The following C6orf118 variants were observed in gnomAD, a reference collection of about 807,000 sequenced individuals.
C6orf118 encodes uncharacterized protein C6orf118.
Under a neutral mutation model 50.2 loss-of-function variants are expected in C6orf118, and 50 were observed. That is an observed-to-expected ratio of 1.00 (90% CI 0.79 to 1.26). C6orf118 has a LOEUF of 1.26. Ranked by LOEUF, C6orf118 falls within the 50% of genes most tolerant of loss-of-function variation. The probability of loss-of-function intolerance (pLI) is 0.00; values close to 1 mark genes in which losing one functional copy is unlikely to be tolerated. For synonymous variants in C6orf118, 239 were observed against 230.9 expected, an observed-to-expected ratio of 1.03 and a Z score of -0.32; for missense variants, 641 against 578.7, an observed-to-expected ratio of 1.11 and a Z score of -1.10.
At chr6:165,299,304 A>G (rs1034070159) in intron 4 of C6orf118, 139 bp downstream of exon 4, 4 of 646,200 alleles carry the variant, frequency 6.2e-6, no homozygotes, top group Non-Finnish European at 1.1e-5. Context: ...AAACTCATCT[A>G]TAACAAAGAA....
intron 3 of C6orf118, 57 bp from the exon 4 acceptor site, chr6:165,299,559 T>C: frequency 7.8e-7 from 1 of 1,287,780 alleles, no homozygotes; most frequent in Non-Finnish European, 1.1e-6. Flanking sequence ...ACAGTGCAGG[T>C]GTTTCACGTG....
At chr6:165,292,984 T>G (rs1105228) in intron 6 of C6orf118, among the ~76,000 whole-genome samples, 2 of 151,978 alleles carry the variant, frequency 1.3e-5, no homozygotes, top group African/African-American at 2.4e-5. Flanking sequence ...TTAACAAACT[T>G]GGAGGGAAAA....
In C6orf118 at chr6:165,280,091, T is replaced by C; in HGVS notation, c.1376A>G (p.Gln459Arg). 1 of 1,608,764 alleles carries C rather than the reference T, an allele frequency of 6.2e-7. No homozygotes were observed. The highest frequency in any genetic ancestry group is 8.5e-7 in the Non-Finnish European group (1 of 1,178,554). ...KKIKGPLEIY[Q>R]GICKIRGNRR Reference sequence around the variant, plus strand: ...GTTTCCTCTGATTTTACAAATTCCTTGATAAATTTCCAAAGGCCCCTTAAA... The same window carrying C: ...GTTTCCTCTGATTTTACAAATTCCTCGATAAATTTCCAAAGGCCCCTTAAA... Residue 459 changes from glutamine (Q) to arginine (R), a missense_variant, in exon 9 of 9, where the codon CAA (glutamine) becomes CGA (arginine). Gln to Arg is a conservative substitution (Grantham distance 43). Coordinates refer to ENST00000230301, the MANE Select transcript of C6orf118 (RefSeq NM_144980.4).
At chr6:165,299,205 G>T (rs766968957) in intron 4 of C6orf118, among the ~76,000 whole-genome samples, 6 of 152,222 alleles carry the variant, frequency 3.9e-5, no homozygotes, top group Non-Finnish European at 5.9e-5. Flanking sequence ...TTTATACATA[G>T]ATAGTTATGT....
chr6:165,300,330 C>A, intron 3 of C6orf118, 34 bp downstream of exon 3: 1 of 1,612,130 alleles, frequency 6.2e-7, no homozygotes, highest in Non-Finnish European at 8.5e-7. Context: ...ATGCAAGCTT[C>A]TCAACTGTTA....
intron 7 of C6orf118, among the ~76,000 whole-genome samples, chr6:165,282,562 G>C (rs1267778832): frequency 1.3e-5 from 2 of 151,626 alleles, no homozygotes; most frequent in African/African-American, 2.4e-5. Context: ...CTACCTGTTA[G>C]GGTTGCTGCA....
chr6:165,281,465 T>C, intron 8 of C6orf118, 175 bp downstream of exon 8: 1 of 1,347,698 alleles, frequency 7.4e-7, no homozygotes, highest in Non-Finnish European at 9.6e-7. Flanking sequence ...TCTTTTATCA[T>C]GATGTCAATA....
At chr6:165,298,378 G>T (rs12055415) in intron 4 of C6orf118, among the ~76,000 whole-genome samples, 14,961 of 152,218 alleles carry the variant, frequency 0.098, 951 homozygotes, top group East Asian at 0.21. Context: ...TGGCCCGTGT[G>T]GGGGGAAGGA....
At chr6:165,301,492 G>A (rs1583023638) in intron 2 of C6orf118, 77 bp downstream of exon 2, 1 of 1,518,874 alleles carries the variant, frequency 6.6e-7, no homozygotes, top group Non-Finnish European at 8.8e-7. Context: ...CCCCAGAGCT[G>A]TGCCCTGAGA....
intron 5 of C6orf118, among the ~76,000 whole-genome samples, chr6:165,295,656 TTTTTC>T (rs1229463917): frequency 7.8e-5 from 10 of 127,828 alleles, no homozygotes; most frequent in Non-Finnish European, 1.3e-4. Flanking sequence ...ATTGTTTTTT[TTTTTC>T]GGTGTTGTTT....
chr6:165,299,376 AC>A, intron 4 of C6orf118, 66 bp downstream of exon 4: 1 of 1,444,596 alleles, frequency 6.9e-7, no homozygotes, highest in Non-Finnish European at 9.7e-7. Context: ...AAAGGTTTCC[AC>A]TGCTCATGAA....
chr6:165,285,063 A>G (rs1310251862), intron 7 of C6orf118, among the ~76,000 whole-genome samples: 4 of 152,216 alleles, frequency 2.6e-5, no homozygotes, highest in Admixed American at 1.3e-4. Flanking sequence ...GCTGTATTCA[A>G]TAGACGCATA....
chr6:165,294,430 A>G (rs1780223067), intron 5 of C6orf118, among the ~76,000 whole-genome samples: 2 of 152,202 alleles, frequency 1.3e-5, no homozygotes, highest in African/African-American at 4.8e-5. Context: ...CAGGTATTAC[A>G]TATTTTGAGG....
Position 165,309,581 on chromosome 6 carries a change from C to T in C6orf118, c.6G>A (p.Ala2=). The T allele has an allele frequency of 6.2e-7, 1 of 1,614,166 alleles. No homozygotes were observed. The highest frequency in any genetic ancestry group is 8.5e-7 in the Non-Finnish European group (1 of 1,180,032). M[A]EEREPELYLK... is the part of the protein sequence containing the mutation. ...ACTTACATTCAGGCTCCCGCTCCTC[C>T]GCCATCGCTTCCTTCCCTCCAGCTG... is the stretch of plus-strand genomic sequence containing the variant. The change falls in exon 1 of 9, where the codon GCG becomes GCA. Residue 2 remains alanine, a synonymous_variant. Coordinates refer to ENST00000230301, the MANE Select transcript of C6orf118 (RefSeq NM_144980.4).
At position 165,280,119 on chromosome 6, in the gene C6orf118, A is replaced by G. The variant is rs375580034; in HGVS notation, c.1357-9T>C. On this transcript the variant is annotated splice_polypyrimidine_tract_variant and intron_variant, in intron 8 of 8. Transcript: ENST00000230301. Reference sequence around the variant, plus strand: ...TAAATTTCCAAAGGCCCCTTAAAATACATAAGAAATGAATACCATAGGTTA... The same window carrying G: ...TAAATTTCCAAAGGCCCCTTAAAATGCATAAGAAATGAATACCATAGGTTA... 67 of 1,584,526 alleles carry G rather than the reference A, an allele frequency of 4.2e-5. No individual in the cohort carries two copies. The African/African-American group carries it at 8.4e-4, about 20-fold the overall frequency.
intron 7 of C6orf118, among the ~76,000 whole-genome samples, chr6:165,287,598 G>A (rs1382158556): frequency 1.3e-5 from 2 of 152,032 alleles, no homozygotes; most frequent in African/African-American, 2.4e-5. Flanking sequence ...ATAGACAAAT[G>A]GAACGGAATA....
intron 1 of C6orf118, among the ~76,000 whole-genome samples, chr6:165,306,977 A>G (rs895325497): frequency 2.6e-5 from 4 of 152,176 alleles, no homozygotes; most frequent in African/African-American, 9.7e-5. Flanking sequence ...CAAACAAACA[A>G]AAAAGAAAGT....
intron 7 of C6orf118, among the ~76,000 whole-genome samples, chr6:165,285,643 A>G (rs1265753281): frequency 6.6e-6 from 1 of 152,122 alleles, no homozygotes; most frequent in East Asian, 1.9e-4. Context: ...AAACCACACA[A>G]CTACATGGAA....
chr6:165,301,914 G>A lies in C6orf118; in HGVS notation c.408C>T (p.Ala136=). 2.5e-6 allele frequency: 4 copies of A among 1,613,862 alleles called. No homozygotes were observed. The highest frequency in any genetic ancestry group is 3.4e-6 in the Non-Finnish European group (4 of 1,180,008). Residue 136 remains alanine (A), a synonymous_variant, in exon 2 of 9, where the codon GCC becomes GCT. Transcript: ENST00000230301. ...TPLFRYLNPQ[A]SLSHTSEEDF... ...CCTCCTCTGAAGTGTGGGAAAGAGA[G>A]GCCTGGGGGTTCAGGTACCTGAACA...
Sources: allele counts gnomAD v4.1 joint callset (sites outside exome capture counted in the v4.1 genomes callset), GRCh38; gene constraint gnomAD v4.1.1; transcripts MANE v1.5; gene names NCBI Gene and HGNC (gene_info 2026-07-23, HGNC 2026-07-21).